Variants in ZCCHC2 observed in about 807,000 individuals in gnomAD.
ZCCHC2 encodes the protein zinc finger CCHC domain-containing protein 2.
ZCCHC2 carries 39 observed loss-of-function variants against 103.6 expected under a neutral mutation model. That is an observed-to-expected ratio of 0.38 (90% CI 0.29 to 0.49). The LOEUF is 0.49. Among genes scored for constraint, ZCCHC2 ranks in the 20% least tolerant of loss-of-function variants. The pLI, the probability that ZCCHC2 is intolerant of heterozygous loss-of-function variation, is 0.96. For synonymous variants in ZCCHC2, 687 were observed against 608.9 expected (o/e 1.13, Z -1.89); for missense variants, 1,483 against 1,491.0 (o/e 0.99, Z 0.09).
intron 12 of ZCCHC2, among the ~76,000 whole-genome samples, chr18:62,572,722 A>G (rs1045720473): frequency 6.6e-6 from 1 of 152,186 alleles, no homozygotes; most frequent in Non-Finnish European, 1.5e-5. Flanking sequence ...ACCAACTGGG[A>G]GCATTAAAAA....
At position 62,523,599 on chromosome 18, in the gene ZCCHC2, C is replaced by G; in HGVS notation, c.175C>G (p.Pro59Ala). 1 of 969,074 alleles carries G rather than the reference C, an allele frequency of 1.0e-6. No individual in the cohort carries two copies. The highest frequency in any genetic ancestry group is 1.8e-5 in the African/African-American group (1 of 56,482). The allele number at this position is 969,074 out of a possible 1,614,324, so 60.0% of individuals were successfully genotyped here. The change falls in exon 1 of 14, where the codon CCG (proline) becomes GCG (alanine). Residue 59 changes from proline to alanine, a missense_variant. By Grantham distance (27) the Pro-to-Ala change is conservative (BLOSUM62 -1). Around this residue, in one of 3 missense-constraint regions of ZCCHC2, gnomAD observed 568 missense variants for 525.1 expected, o/e 1.08. Coordinates refer to ENST00000269499, the MANE Select transcript of ZCCHC2 (RefSeq NM_017742.6). ...PPAGPSRGPLPPPPPPRGLGP... is the reference protein window; with the variant it reads ...PPAGPSRGPLAPPPPPRGLGP... The stretch of plus-strand genomic sequence containing the variant: ...CGCGGGCCCGTCGCGGGGCCCTCTG[C>G]CGCCGCCGCCGCCGCCCCGGGGACT...
At chr18:62,578,611 T>C (rs558615060), downstream of ZCCHC2, 3 of 152,752 alleles carry the variant, frequency 2.0e-5, no homozygotes, top group South Asian at 2.1e-4. Flanking sequence ...GTAAATTTTG[T>C]AAAAGTGGAG....
At chr18:62,538,126 T>C (rs1204531079) in intron 1 of ZCCHC2, among the ~76,000 whole-genome samples, 1 of 152,158 alleles carries the variant, frequency 6.6e-6, no homozygotes, top group African/African-American at 2.4e-5. Context: ...CCAGGTACAA[T>C]GACTCACACC....
At position 62,558,704 on chromosome 18, in the gene ZCCHC2, C is replaced by T; in HGVS notation, c.1426C>T (p.Leu476=). The change falls in exon 7 of 14, where the codon CTG becomes TTG. Residue 476 remains leucine (L), a synonymous_variant. Coordinates refer to ENST00000269499, the MANE Select transcript of ZCCHC2 (RefSeq NM_017742.6). ...TCCTGCAGATAACTTACAATCCTCT[C>T]TGAAGACTTCTAAGATATTAGAACA... ...LHSINNLQSS[L]KTSKILEHLK... 1 of 1,537,880 alleles carries T rather than the reference C, an allele frequency of 6.5e-7. No homozygotes were observed. Among genetic ancestry groups the T allele is most frequent in the Non-Finnish European group, 8.8e-7 (1 of 1,141,238 alleles).
downstream of ZCCHC2, among the ~76,000 whole-genome samples, chr18:62,583,468 T>C (rs1003351877): frequency 6.6e-6 from 1 of 152,194 alleles, no homozygotes; most frequent in African/African-American, 2.4e-5. Flanking sequence ...GAAAGCACGG[T>C]GTAAAATACC....
At chr18:62,582,420 G>A (rs1308314455), downstream of ZCCHC2, among the ~76,000 whole-genome samples, 1 of 152,216 alleles carries the variant, frequency 6.6e-6, no homozygotes, top group Non-Finnish European at 1.5e-5. Context: ...GCTCACTCCT[G>A]TAATCACAAC....
At chr18:62,555,426 A>G (rs1274556161) in intron 5 of ZCCHC2, among the ~76,000 whole-genome samples, 1 of 152,222 alleles carries the variant, frequency 6.6e-6, no homozygotes, top group African/African-American at 2.4e-5. Context: ...TATGATAACT[A>G]CATAATTGAC....
chr18:62,523,360 C>T lies in ZCCHC2; in HGVS notation c.-65C>T, dbSNP rs1299430350. ...TGACGGCCGCGCCGCCGCCTCGGCC[C>T]GTGCTCCACCTCGCGGCCCCTCCCG... On this transcript the variant is annotated 5_prime_UTR_variant, in exon 1 of 14. Coordinates refer to ENST00000269499, the MANE Select transcript of ZCCHC2 (RefSeq NM_017742.6). The T allele has an allele frequency of 2.5e-5, 25 of 1,003,796 alleles. No homozygotes were observed. The highest frequency in any genetic ancestry group is 2.6e-5 in the Non-Finnish European group (22 of 843,640). The allele number at this position is 1,003,796 out of a possible 1,614,324, so 62.2% of individuals were successfully genotyped here.
chr18:62,582,400 G>A (rs1441851780), downstream of ZCCHC2, among the ~76,000 whole-genome samples: 4 of 152,286 alleles, frequency 2.6e-5, no homozygotes, highest in African/African-American at 9.6e-5. Flanking sequence ...TTCAGTGGCC[G>A]GGCACAGTGG....
Position 62,523,795 on chromosome 18 carries a change from C to A in ZCCHC2, c.371C>A (p.Pro124Gln). 1 of 1,541,866 alleles carries A rather than the reference C, an allele frequency of 6.5e-7. No individual in the cohort carries two copies. Residue 124 changes from proline (P) to glutamine (Q), a missense_variant, in exon 1 of 14, where the codon CCG becomes CAG. This residue lies in a region of ZCCHC2 where 568 missense variants were observed against 525.1 expected (regional missense o/e 1.08). Transcript: ENST00000269499. Reference protein sequence around the residue: ...FMCGLLDLCNPLELRFLGSCL... With the variant: ...FMCGLLDLCNQLELRFLGSCL... ...TGCGGGCTGCTGGACCTGTGCAACCCGCTGGAGCTGCGCTTCCTTGGCTCG... is the reference window on the plus strand; with the variant it reads ...TGCGGGCTGCTGGACCTGTGCAACCAGCTGGAGCTGCGCTTCCTTGGCTCG...
At chr18:62,562,485 A>G (rs1323128152) in intron 8 of ZCCHC2, among the ~76,000 whole-genome samples, 1 of 151,730 alleles carries the variant, frequency 6.6e-6, no homozygotes, top group Non-Finnish European at 1.5e-5. Flanking sequence ...AAGTTCTATA[A>G]TTTACTTTTT....
chr18:62,565,888 A>G (rs1378695520), intron 11 of ZCCHC2, among the ~76,000 whole-genome samples: 1 of 152,206 alleles, frequency 6.6e-6, no homozygotes, highest in African/African-American at 2.4e-5. Flanking sequence ...ATATTTTTCA[A>G]CTAGATATTT....
intron 6 of ZCCHC2, among the ~76,000 whole-genome samples, chr18:62,556,594 C>A (rs1915893599): frequency 6.6e-6 from 1 of 152,130 alleles, no homozygotes; most frequent in Middle Eastern, 3.2e-3. Flanking sequence ...GGAGACCTTA[C>A]AGTGCCACGT....
chr18:62,574,585 C>T lies in ZCCHC2; in HGVS notation c.2504C>T (p.Pro835Leu), dbSNP rs769687268. ...TGCACAGTTAACATCCCACAACAAC[C>T]ACCCGGAAGCCTGAGCATCGCATCA... is the stretch of plus-strand genomic sequence containing the variant. ...ESCTVNIPQQ[P>L]PGSLSIASPN... is the part of the protein sequence containing the mutation. The change falls in exon 13 of 14, where the codon CCA becomes CTA. Residue 835 changes from proline to leucine, a missense_variant. Pro to Leu is a moderately conservative substitution (Grantham distance 98). Transcript: ENST00000269499. 2 of 1,613,998 alleles carry T rather than the reference C, an allele frequency of 1.2e-6. No individual in the cohort carries two copies. Among genetic ancestry groups the T allele is most frequent in the African/African-American group, 2.7e-5 (2 of 75,048 alleles).
At chr18:62,551,138 G>C (rs1411497212) in intron 5 of ZCCHC2, 1 of 152,218 alleles carries the variant, frequency 6.6e-6, no homozygotes, top group Admixed American at 6.5e-5. Context: ...CCAATTAATA[G>C]CTTATATTTT....
chr18:62,559,015 A>G (rs1007786781), intron 7 of ZCCHC2, among the ~76,000 whole-genome samples: 1 of 152,248 alleles, frequency 6.6e-6, no homozygotes, highest in African/African-American at 2.4e-5. Context: ...GATTTTCCAT[A>G]TGAAAAAATA....
rs753867496 is a variant in ZCCHC2, at chr18:62,563,040, G to T, written c.1582G>T (p.Gly528Trp). The change falls in exon 9 of 14, where the codon GGG becomes TGG. Residue 528 changes from glycine (G) to tryptophan (W), a missense_variant. Physicochemically the swap from Gly to Trp is radical, Grantham distance 184. Around this residue, in one of 3 missense-constraint regions of ZCCHC2, gnomAD observed 884 missense variants for 907.5 expected, o/e 0.97. Transcript: ENST00000269499. The stretch of plus-strand genomic sequence containing the variant: ...TGGTACAAGTTGTTCTCCATTGGAT[G>T]GGCTTACCATGCAATATTCTGAACA... ...NIGTSCSPLD[G>W]LTMQYSEQNG... 16 of 1,613,280 alleles carry T rather than the reference G, an allele frequency of 9.9e-6. No individual in the cohort carries two copies. The highest frequency in any genetic ancestry group is 1.4e-5 in the Non-Finnish European group (16 of 1,179,348).
chr18:62,523,376 G>GCGGGGCC lies in ZCCHC2; in HGVS notation c.-48_-47insGGGGCCC. 4.0e-6 allele frequency: 4 copies of GCGGGGCC among 1,012,344 alleles called. No homozygotes were observed. The highest frequency in any genetic ancestry group is 3.5e-6 in the Non-Finnish European group (3 of 848,980). The allele number at this position is 1,012,344 out of a possible 1,614,324, so 62.7% of individuals were successfully genotyped here. On this transcript the variant is annotated 5_prime_UTR_variant, in exon 1 of 14. Transcript: ENST00000269499. ...GCCTCGGCCCGTGCTCCACCTCGCG[G>GCGGGGCC]CCCCTCCCGCCCGCCCCCGCTCGCA...
At chr18:62,532,667 C>T (rs1914739268) in intron 1 of ZCCHC2, among the ~76,000 whole-genome samples, 1 of 152,158 alleles carries the variant, frequency 6.6e-6, no homozygotes, top group Admixed American at 6.5e-5. Context: ...TTATTTGCTG[C>T]CACTGAATTT....
Sources: allele counts gnomAD v4.1 joint callset (sites outside exome capture counted in the v4.1 genomes callset), GRCh38; gene constraint gnomAD v4.1.1; regional missense constraint gnomAD v4.1.1; transcripts MANE v1.5; gene names NCBI Gene and HGNC (gene_info 2026-07-23, HGNC 2026-07-21).